The following SOX5 variants were observed in gnomAD, a reference collection of about 807,000 sequenced individuals.
The protein encoded by SOX5 is SRY-box transcription factor 5.
A neutral mutation model predicts 92.0 loss-of-function variants in SOX5; 9 were observed. The ratio of observed to expected loss-of-function variants is 0.10; its 90% confidence interval spans 0.06 to 0.17. The LOEUF (loss-of-function observed/expected upper bound fraction) is 0.17. Among genes scored for constraint, SOX5 ranks in the 10% least tolerant of loss-of-function variants. The pLI is 1.00. For missense variants in SOX5, 642 were observed against 944.5 expected (o/e 0.68, Z 4.20); for synonymous variants, 344 against 336.3 (o/e 1.02, Z -0.25).
At chr12:23,988,864 C>G (rs904586737) in intron 4 of SOX5, among the ~76,000 whole-genome samples, 7 of 152,150 alleles carry the variant, frequency 4.6e-5, no homozygotes, top group African/African-American at 1.7e-4. Context: ...TGGAGCAATA[C>G]AGAGTCTCTT....
At chr12:24,516,199 T>C (rs1166860597) in intron 1 of SOX5, among the ~76,000 whole-genome samples, 1 of 151,934 alleles carries the variant, frequency 6.6e-6, no homozygotes, top group African/African-American at 2.4e-5. Context: ...TGCGCCACCA[T>C]GCCTGGCTAA....
At chr12:24,196,668 C>T (rs1957039256) in intron 4 of SOX5, among the ~76,000 whole-genome samples, 1 of 152,102 alleles carries the variant, frequency 6.6e-6, no homozygotes, top group Non-Finnish European at 1.5e-5. Flanking sequence ...CATTGGGAGG[C>T]CAATGAGGGC....
chr12:23,914,879 C>T (rs1257930637), intron 1 of SOX5, among the ~76,000 whole-genome samples: 1 of 152,096 alleles, frequency 6.6e-6, no homozygotes, highest in African/African-American at 2.4e-5. Flanking sequence ...AGAAGAAACT[C>T]TTTAACCAAA....
At chr12:24,210,642 A>T (rs1166976702) in intron 4 of SOX5, among the ~76,000 whole-genome samples, 1 of 152,212 alleles carries the variant, frequency 6.6e-6, no homozygotes, top group Non-Finnish European at 1.5e-5. Context: ...TAAATATTAT[A>T]TATCATTATC....
intron 4 of SOX5, among the ~76,000 whole-genome samples, chr12:24,058,815 A>G (rs1459900152): frequency 6.6e-6 from 1 of 152,010 alleles, no homozygotes; most frequent in Admixed American, 6.6e-5. Context: ...ATAAATAAAT[A>G]TAGTTCATGC....
At chr12:23,768,479 A>C (rs1473432135) in intron 3 of SOX5, among the ~76,000 whole-genome samples, 1 of 152,214 alleles carries the variant, frequency 6.6e-6, no homozygotes, top group East Asian at 1.9e-4. Context: ...GAAAGCTTCA[A>C]AAAAACTTCA....
At chr12:24,097,835 C>T (rs1945611207) in intron 4 of SOX5, among the ~76,000 whole-genome samples, 2 of 152,124 alleles carry the variant, frequency 1.3e-5, no homozygotes, top group Admixed American at 1.3e-4. Context: ...TACAGTATCT[C>T]ACTATCTTTA....
At chr12:23,562,366 A>G (rs759317775) in intron 11 of SOX5, among the ~76,000 whole-genome samples, 1 of 152,208 alleles carries the variant, frequency 6.6e-6, no homozygotes, top group Admixed American at 6.5e-5. Flanking sequence ...CAAACTCCAC[A>G]TAAAACCTTG....
In SOX5 at chr12:24,035,358, C is replaced by T. The variant is rs77163074; in HGVS notation, c.-1-139334G>A. Among the ~76,000 whole-genome samples the T allele has an allele frequency of 1.9e-3, 282 of 152,212 alleles. 3 individuals are homozygous for T. Among genetic ancestry groups the T allele is most frequent in the African/African-American group, 6.5e-3 (272 of 41,542 alleles). On this transcript the variant is annotated intron_variant, in intron 4 of 4. Transcript: ENST00000446891. ...ATTCTCTATATACACACAGTAGGCACATGAACTCCTGTAACAATTAAGAGT... is the reference window on the plus strand; with the variant it reads ...ATTCTCTATATACACACAGTAGGCATATGAACTCCTGTAACAATTAAGAGT...
At chr12:23,734,788 T>C in intron 5 of SOX5, 36 bp from the exon 6 acceptor site, 1 of 1,548,700 alleles carries the variant, frequency 6.5e-7, no homozygotes, top group Non-Finnish European at 8.9e-7. Context: ...TTTACAAGTA[T>C]ATTGTAGTCC....
intron 4 of SOX5, among the ~76,000 whole-genome samples, chr12:24,016,640 G>A (rs147444079): frequency 3.3e-4 from 50 of 152,230 alleles, no homozygotes; most frequent in African/African-American, 1.2e-3. Context: ...TTGCAGAAAC[G>A]CAAAAAAATG....
chr12:23,783,853 C>T (rs955778045), intron 3 of SOX5, among the ~76,000 whole-genome samples: 2 of 152,214 alleles, frequency 1.3e-5, no homozygotes, highest in Admixed American at 6.5e-5. Context: ...TAATTTACCA[C>T]GTAGATTCCC....
intron 10 of SOX5, among the ~76,000 whole-genome samples, chr12:23,573,184 G>A (rs968621907): frequency 6.6e-6 from 1 of 152,042 alleles, no homozygotes; most frequent in Non-Finnish European, 1.5e-5. Flanking sequence ...CCCCCTTGAA[G>A]AGTAATATAC....
chr12:23,812,977 CT>C (rs2095905113), intron 3 of SOX5, among the ~76,000 whole-genome samples: 1 of 152,130 alleles, frequency 6.6e-6, no homozygotes, highest in African/African-American at 2.4e-5. Context: ...AATTACATTT[CT>C]TTTTTCTCTC....
chr12:23,999,802 A>G (rs2136352758), intron 4 of SOX5, among the ~76,000 whole-genome samples: 1 of 152,128 alleles, frequency 6.6e-6, no homozygotes, highest in East Asian at 1.9e-4. Flanking sequence ...ATGAAGGAGA[A>G]ACAAAGGTGT....
intron 1 of SOX5, among the ~76,000 whole-genome samples, chr12:24,505,850 T>C (rs1012422199): frequency 2.4e-4 from 34 of 142,370 alleles, no homozygotes; most frequent in Admixed American, 9.4e-4. Context: ...TGTGTGTGTG[T>C]GTGCGTGTGT....
rs538696451 is a variant in SOX5 at position 24,118,160 on chromosome 12, G to A, written c.-2+95183C>T. ...AAAGTTACAAGGTTTTAATTATACTGGGGGAATAACTTTTAGTGATCTTTT... is the reference window on the plus strand; with the variant it reads ...AAAGTTACAAGGTTTTAATTATACTAGGGGAATAACTTTTAGTGATCTTTT... On this transcript the variant is annotated intron_variant, in intron 4 of 4. Coordinates refer to the SOX5 transcript ENST00000446891. Among the ~76,000 whole-genome samples the A allele has an allele frequency of 3.3e-5, 5 of 152,106 alleles. No individual in the cohort carries two copies. In the East Asian group the frequency reaches 9.7e-4, roughly 29 times the overall value.
chr12:23,728,589 C>G (rs562627900), intron 6 of SOX5, among the ~76,000 whole-genome samples: 1 of 152,188 alleles, frequency 6.6e-6, no homozygotes, highest in Non-Finnish European at 1.5e-5. Context: ...TCAAGAATTA[C>G]CAAAACTTTA....
intron 6 of SOX5, among the ~76,000 whole-genome samples, chr12:23,721,572 C>A (rs1052812013): frequency 2.0e-5 from 3 of 152,106 alleles, no homozygotes; most frequent in African/African-American, 7.2e-5. Flanking sequence ...CTTATCTTAA[C>A]TGAGGACCTG....
Sources: allele counts gnomAD v4.1 joint callset (sites outside exome capture counted in the v4.1 genomes callset), GRCh38; gene constraint gnomAD v4.1.1; transcripts MANE v1.5; gene names NCBI Gene and HGNC (gene_info 2026-07-23, HGNC 2026-07-21).